Variants in TEAD1 observed in about 807,000 individuals in gnomAD.
The protein encoded by TEAD1 is transcriptional enhancer factor TEF-1.
Under a neutral mutation model 54.9 loss-of-function variants are expected in TEAD1, and 9 were observed. The ratio of observed to expected loss-of-function variants is 0.16; its 90% CI spans 0.10 to 0.29. The LOEUF (loss-of-function observed/expected upper bound fraction) is 0.29, where lower values mean the gene tolerates loss of function less well. Ranked by LOEUF, TEAD1 falls within the 10% of genes least tolerant of loss-of-function variation. TEAD1 has a pLI of 1.00. For missense variants in TEAD1, 387 were observed against 535.9 expected (o/e 0.72, Z 2.74); for synonymous variants, 200 against 187.8 (o/e 1.07, Z -0.53).
chr11:12,675,339 C>T (rs1188535058), intron 1 of TEAD1, 70 bp from the exon 2 acceptor site: 1 of 152,198 alleles, frequency 6.6e-6, no homozygotes, highest in Non-Finnish European at 1.5e-5. Context: ...AGACTTGTGC[C>T]GCTGGCGGGG....
At chr11:12,887,977 C>T (rs772839345) in intron 9 of TEAD1, among the ~76,000 whole-genome samples, 5 of 152,052 alleles carry the variant, frequency 3.3e-5, no homozygotes, top group African/African-American at 4.8e-5. Context: ...CTCATTAGAC[C>T]CAAGGGGTTA....
chr11:12,899,054 C>G (rs1342482756), intron 9 of TEAD1, among the ~76,000 whole-genome samples: 3 of 152,182 alleles, frequency 2.0e-5, no homozygotes, highest in African/African-American at 4.8e-5. Flanking sequence ...CACCCCAGCT[C>G]TGACCTGGCC....
intron 3 of TEAD1, among the ~76,000 whole-genome samples, chr11:12,856,903 A>G (rs551208698): frequency 1.1e-4 from 17 of 152,308 alleles, no homozygotes; most frequent in Admixed American, 7.2e-4. Flanking sequence ...ACTCCATTCA[A>G]TTACAAAGTG....
At chr11:12,746,173 A>T (rs915062274) in intron 2 of TEAD1, among the ~76,000 whole-genome samples, 1 of 152,250 alleles carries the variant, frequency 6.6e-6, no homozygotes, top group Non-Finnish European at 1.5e-5. Context: ...AGCTAGCAGC[A>T]TTCTTGCACG....
intron 2 of TEAD1, among the ~76,000 whole-genome samples, chr11:12,696,229 T>TAC (rs1242251558): frequency 6.6e-6 from 1 of 152,180 alleles, no homozygotes; most frequent in Admixed American, 6.5e-5. Context: ...GTTTCGTAAT[T>TAC]GTGTTGGACA....
intron 3 of TEAD1, among the ~76,000 whole-genome samples, chr11:12,816,902 A>G (rs983110787): frequency 2.0e-5 from 3 of 152,210 alleles, no homozygotes; most frequent in Admixed American, 2.0e-4. Context: ...CTGTTCTTCA[A>G]GATGCCTTCT....
At chr11:12,734,108 A>C (rs1207948261) in intron 2 of TEAD1, among the ~76,000 whole-genome samples, 2 of 152,106 alleles carry the variant, frequency 1.3e-5, no homozygotes, top group Non-Finnish European at 2.9e-5. Context: ...TGGAGGTAGG[A>C]TCTTGCCATG....
chr11:12,895,188 G>T (rs1238415753), intron 9 of TEAD1, among the ~76,000 whole-genome samples: 1 of 150,472 alleles, frequency 6.6e-6, no homozygotes, highest in Non-Finnish European at 1.5e-5. Flanking sequence ...GAAGACGAAA[G>T]TCCTTTATTA....
chr11:12,722,647 TTC>T (rs1029289373), intron 2 of TEAD1, among the ~76,000 whole-genome samples: 6 of 139,764 alleles, frequency 4.3e-5, no homozygotes, highest in African/African-American at 1.6e-4. Flanking sequence ...TTCTCTCTCT[TTC>T]TTTTTTTTTT....
At chr11:12,754,540 C>T (rs1944946624) in intron 2 of TEAD1, among the ~76,000 whole-genome samples, 1 of 152,126 alleles carries the variant, frequency 6.6e-6, no homozygotes, top group Admixed American at 6.5e-5. Flanking sequence ...AAAATATAAA[C>T]AGTGGGAAGG....
chr11:12,893,057 C>G (rs982189704), intron 9 of TEAD1, among the ~76,000 whole-genome samples: 2 of 152,190 alleles, frequency 1.3e-5, no homozygotes, highest in Non-Finnish European at 2.9e-5. Flanking sequence ...AGCAACTTGC[C>G]TCAAGCCACT....
At chr11:12,729,143 A>G (rs1385354923) in intron 2 of TEAD1, among the ~76,000 whole-genome samples, 1 of 152,238 alleles carries the variant, frequency 6.6e-6, no homozygotes, top group Non-Finnish European at 1.5e-5. Flanking sequence ...CAATGTAGGA[A>G]CTTCATATAT....
intron 3 of TEAD1, among the ~76,000 whole-genome samples, chr11:12,805,300 G>A (rs1428037117): frequency 6.6e-6 from 1 of 152,112 alleles, no homozygotes; most frequent in Non-Finnish European, 1.5e-5. Context: ...TTATTTCTTT[G>A]GGGGCAGCTG....
intron 3 of TEAD1, among the ~76,000 whole-genome samples, chr11:12,767,208 T>C (rs1194870877): frequency 6.6e-6 from 1 of 152,174 alleles, no homozygotes; most frequent in Non-Finnish European, 1.5e-5. Flanking sequence ...ATGAGCAGTG[T>C]GGGGCCAGAG....
chr11:12,765,282 T>C lies in TEAD1; in HGVS notation c.202+848T>C, dbSNP rs545512083. ...CTTCCAGCTGCAGACCTGTACTTTT[T>C]GGCTGCTTACCTTTTGGGAAGCAGA... On this transcript the variant is annotated intron_variant, in intron 3 of 12. Coordinates refer to ENST00000527636, the MANE Select transcript of TEAD1 (RefSeq NM_021961.6). Among the ~76,000 whole-genome samples, 223 of 152,306 alleles carry C rather than the reference T, an allele frequency of 1.5e-3. 1 individual carries two copies. The highest frequency in any genetic ancestry group is 5.1e-3 in the African/African-American group (212 of 41,574).
At chr11:12,809,871 T>G (rs971369902) in intron 3 of TEAD1, among the ~76,000 whole-genome samples, 6 of 152,072 alleles carry the variant, frequency 3.9e-5, no homozygotes, top group African/African-American at 1.2e-4. Context: ...GCCACATGGT[T>G]ATGGAAATGT....
At chr11:12,878,961 G>C (rs1947911728) in intron 5 of TEAD1, 1 of 1,237,330 alleles carries the variant, frequency 8.1e-7, no homozygotes, top group Admixed American at 2.7e-5. Context: ...GACTTTTTTG[G>C]CTAGCTTTGT....
intron 2 of TEAD1, among the ~76,000 whole-genome samples, chr11:12,728,946 G>A (rs1590090915): frequency 6.6e-6 from 1 of 152,218 alleles, no homozygotes; most frequent in East Asian, 1.9e-4. Flanking sequence ...TGGATGTTTT[G>A]TGAAGAGGTA....
chr11:12,821,961 C>CTTTTTTTTTTTTTTTTT (rs10700151), intron 3 of TEAD1, among the ~76,000 whole-genome samples: 864 of 68,060 alleles, frequency 0.013, 163 homozygotes, highest in African/African-American at 0.021. Context: ...TTCTCTTTTC[C>CTTTTTTTTTTTTTTTTT]TTTTTTTTTT....
Sources: allele counts gnomAD v4.1 joint callset (sites outside exome capture counted in the v4.1 genomes callset), GRCh38; gene constraint gnomAD v4.1.1; transcripts MANE v1.5; gene names NCBI Gene and HGNC (gene_info 2026-07-23, HGNC 2026-07-21).